ZNF317: variants seen among roughly 807,000 people sequenced by gnomAD.
The protein encoded by ZNF317 is zinc finger protein 317, also known as KRAB-containing zinc finger protein 317.
ZNF317 carries 17 observed loss-of-function variants against 23.4 expected under a neutral mutation model. The ratio of observed to expected loss-of-function variants is 0.73; its 90% CI spans 0.50 to 1.09. The LOEUF is 1.09. Among genes scored for constraint, ZNF317 ranks in the 50% least tolerant of loss-of-function variants. ZNF317 has a pLI of 0.00. For synonymous variants in ZNF317, 317 were observed against 314.9 expected (o/e 1.01, Z -0.07); for missense variants, 679 against 796.7 (o/e 0.85, Z 1.78).
At chr19:9,147,329 GGTTTTTTTTTT>G (rs1229202413) in intron 1 of ZNF317, among the ~76,000 whole-genome samples, 5 of 128,518 alleles carry the variant, frequency 3.9e-5, no homozygotes, top group African/African-American at 1.7e-4. Flanking sequence ...CAATGACACT[GGTTTTTTTTTT>G]TTTTTTTTTT....
At chr19:9,151,470 G>T (rs1272231760) in intron 1 of ZNF317, among the ~76,000 whole-genome samples, 1 of 152,088 alleles carries the variant, frequency 6.6e-6, no homozygotes, top group Non-Finnish European at 1.5e-5. Context: ...TTATTGATCT[G>T]AGTCAGATGT....
intron 1 of ZNF317, among the ~76,000 whole-genome samples, chr19:9,146,619 G>C (rs911255953): frequency 1.3e-5 from 2 of 151,176 alleles, no homozygotes; most frequent in Non-Finnish European, 2.9e-5. Flanking sequence ...TAGTAGAAAC[G>C]GGGTTTCACC....
At chr19:9,153,725 G>A (rs73494602) in intron 1 of ZNF317, among the ~76,000 whole-genome samples, 9,316 of 152,260 alleles carry the variant, frequency 0.061, 306 homozygotes, top group East Asian at 0.076. Flanking sequence ...GGAGACAGTT[G>A]TAGAGGAGCC....
chr19:9,154,958 T>C (rs535574202), intron 1 of ZNF317, among the ~76,000 whole-genome samples: 5 of 152,326 alleles, frequency 3.3e-5, no homozygotes, highest in Non-Finnish European at 4.4e-5. Context: ...CACCATTCGA[T>C]GTGATTCTTA....
At position 9,150,094 on chromosome 19, in the gene ZNF317, T is replaced by G. The variant is rs1196298762; in HGVS notation, c.-92-5831T>G. ...GGAGCTGCCATCAACGTGGGGAGGC[T>G]GGTGGCAGCACAGTTGTAGGTGTTT... On this transcript the variant is annotated intron_variant, in intron 1 of 6. Transcript: ENST00000247956. 2.6e-5 allele frequency among the ~76,000 whole-genome samples: 4 copies of G among 152,138 alleles called. No individual in the cohort carries two copies. In the South Asian group the frequency reaches 8.3e-4, roughly 31 times the overall value.
At chr19:9,141,792 GTTT>G (rs1456026900) in intron 1 of ZNF317, among the ~76,000 whole-genome samples, 4 of 151,970 alleles carry the variant, frequency 2.6e-5, no homozygotes. Flanking sequence ...TCAATAAAGT[GTTT>G]TTTGTTGTTG....
Position 9,161,137 on chromosome 19 carries a change from G to T in ZNF317, c.1492G>T (p.Val498Leu). The T allele has an allele frequency of 1.2e-6, 2 of 1,614,198 alleles. No homozygotes were observed. Among genetic ancestry groups the T allele is most frequent in the Non-Finnish European group, 1.7e-6 (2 of 1,180,044 alleles). Residue 498 changes from valine to leucine, a missense_variant, in exon 7 of 7, where the codon GTA (valine) becomes TTA (leucine). Coordinates refer to ENST00000247956, the MANE Select transcript of ZNF317 (RefSeq NM_020933.5). The surrounding 1 kb of genome is among the most constrained non-coding windows in gnomAD (Gnocchi z 4.0). Reference sequence around the variant, plus strand: ...GCGGAGGCACATGAGCGTTCACCTTGTAAAGAAACGAGTTGAGTGTAGGCA... The same window carrying T: ...GCGGAGGCACATGAGCGTTCACCTTTTAAAGAAACGAGTTGAGTGTAGGCA... ...SRRRHMSVHL[V>L]KKRVECRQCG...
intron 5 of ZNF317, among the ~76,000 whole-genome samples, chr19:9,158,356 C>CTTTTGTCTT (rs2050808789): frequency 1.3e-5 from 1 of 74,876 alleles, no homozygotes; most frequent in South Asian, 3.6e-4. Flanking sequence ...CCTTAAATTT[C>CTTTTGTCTT]TTTTTTCTTT....
Position 9,161,349 on chromosome 19 carries a change from C to G in ZNF317, c.1704C>G (p.Ser568Arg). The G allele has an allele frequency of 6.2e-7, 1 of 1,614,202 alleles. No homozygotes were observed. The highest frequency in any genetic ancestry group is 8.5e-7 in the Non-Finnish European group (1 of 1,180,036). Residue 568 changes from serine to arginine, a missense_variant, in exon 7 of 7, where the codon AGC becomes AGG. Ser to Arg is a moderately radical substitution (Grantham distance 110, BLOSUM62 -1). Coordinates refer to ENST00000247956, the MANE Select transcript of ZNF317 (RefSeq NM_020933.5). The surrounding 1 kb of genome is among the most constrained non-coding windows in gnomAD (Gnocchi z 4.0). ...GCCTTGTCTGCGGGAAAGCCTTCAG[C>G]GACCACTCATCCCTCAGGAGCCACG... ...YECLVCGKAF[S>R]DHSSLRSHVK...
chr19:9,158,363 C>CTGTTTTTTTTTTTTTTTTTTTTTTT (rs2050809107), intron 5 of ZNF317, among the ~76,000 whole-genome samples: 1 of 76,496 alleles, frequency 1.3e-5, no homozygotes, highest in African/African-American at 6.4e-5. Context: ...TTTCTTTTTT[C>CTGTTTTTTTTTTTTTTTTTTTTTTT]TTTTTTTTTT....
rs2050829360 is a variant in ZNF317, at chr19:9,160,040, T to C, written c.469-74T>C. 6.3e-7 allele frequency: 1 copy of C among 1,584,530 alleles called. No individual in the cohort carries two copies. The highest frequency in any genetic ancestry group is 8.6e-7 in the Non-Finnish European group (1 of 1,162,290). ...GTGCTTCTATCTGTTCATAGCAGTG[T>C]ATGTGGGGATGACGCTTAGGGTTGC... On this transcript the variant is annotated intron_variant, in intron 6 of 6. Coordinates refer to ENST00000247956, the MANE Select transcript of ZNF317 (RefSeq NM_020933.5). This position sits in a 1 kb window ranked among gnomAD's most constrained non-coding sequence, Gnocchi z 6.8.
chr19:9,153,553 G>C (rs182034814), intron 1 of ZNF317, among the ~76,000 whole-genome samples: 2 of 152,302 alleles, frequency 1.3e-5, no homozygotes, highest in East Asian at 3.9e-4. Flanking sequence ...CTAAGTGTTA[G>C]AGATGGGGAT....
At chr19:9,145,606 A>G (rs915214123) in intron 1 of ZNF317, among the ~76,000 whole-genome samples, 1 of 152,168 alleles carries the variant, frequency 6.6e-6, no homozygotes, top group African/African-American at 2.4e-5. Context: ...TTAAGATTTT[A>G]TCTCTCTTCA....
Position 9,161,168 on chromosome 19 carries a change from G to C in ZNF317, c.1523G>C (p.Gly508Ala), listed in dbSNP as rs925817653. 8.1e-6 allele frequency: 13 copies of C among 1,614,052 alleles called. No homozygotes were observed. Among genetic ancestry groups the C allele is most frequent in the Non-Finnish European group, 1.1e-5 (13 of 1,180,042 alleles). The change falls in exon 7 of 7, where the codon GGC becomes GCC. Residue 508 changes from glycine (G) to alanine (A), a missense_variant. Gly to Ala is a moderately conservative substitution (Grantham distance 60). Transcript: ENST00000247956. This position sits in a 1 kb window ranked among gnomAD's most constrained non-coding sequence, Gnocchi z 4.0. ...AAACGAGTTGAGTGTAGGCAGTGTGGCAAGGCCTTCAGGAACCAGTCAACG... is the reference window on the plus strand; with the variant it reads ...AAACGAGTTGAGTGTAGGCAGTGTGCCAAGGCCTTCAGGAACCAGTCAACG... ...VKKRVECRQCGKAFRNQSTLK... is the reference protein window; with the variant it reads ...VKKRVECRQCAKAFRNQSTLK...
At chr19:9,156,260 G>T (rs1330913277) in intron 2 of ZNF317, among the ~76,000 whole-genome samples, 1 of 152,156 alleles carries the variant, frequency 6.6e-6, no homozygotes, top group African/African-American at 2.4e-5. Context: ...ATTCATGCAT[G>T]AAGAGGGTGC....
At chr19:9,156,127 A>G in intron 2 of ZNF317, 86 bp downstream of exon 2, 20 of 1,533,274 alleles carry the variant, frequency 1.3e-5, no homozygotes, top group Non-Finnish European at 1.8e-5. Flanking sequence ...CGTACACCAT[A>G]GAGGGCTGCT....
chr19:9,144,001 TTC>T (rs2050660285), intron 1 of ZNF317, among the ~76,000 whole-genome samples: 7 of 149,606 alleles, frequency 4.7e-5, no homozygotes, highest in African/African-American at 1.2e-4. Flanking sequence ...CTTTCTTTCT[TTC>T]TTTCTTTCTT....
rs773152326 is a variant in ZNF317 at position 9,158,925 on chromosome 19, A to G, written c.468+17A>G. ...GTGACGATGGTAAGATTTCCGTGGG[A>G]TAATTCTGGATCTTCCTTCCACGTC... On this transcript the variant is annotated intron_variant, in intron 6 of 6. Transcript: ENST00000247956. 1 of 1,566,232 alleles carries G rather than the reference A, an allele frequency of 6.4e-7. No homozygotes were observed. The highest frequency in any genetic ancestry group is 2.2e-5 in the East Asian group (1 of 44,632).
At chr19:9,159,986 C>A in intron 6 of ZNF317, 128 bp from the exon 7 acceptor site, 2 of 1,379,514 alleles carry the variant, frequency 1.4e-6, no homozygotes, top group Non-Finnish European at 2.0e-6. Context: ...GTTTGCACGG[C>A]AGATGGTTAC....
Sources: allele counts gnomAD v4.1 joint callset (sites outside exome capture counted in the v4.1 genomes callset), GRCh38; gene constraint gnomAD v4.1.1; non-coding constraint Gnocchi (gnomAD v3.1); transcripts MANE v1.5; gene names NCBI Gene and HGNC (gene_info 2026-07-23, HGNC 2026-07-21).